TMEM170A: variants seen among roughly 807,000 people sequenced by gnomAD.
The protein encoded by TMEM170A is transmembrane protein 170.
TMEM170A carries 18 observed loss-of-function variants against 12.8 expected under a neutral mutation model. That is an observed-to-expected ratio of 1.41 (90% CI 0.97 to 2.09). The LOEUF (loss-of-function observed/expected upper bound fraction) is 2.09. Ranked by LOEUF, TMEM170A falls within the 30% of genes most tolerant of loss-of-function variation. The pLI, the probability that TMEM170A is intolerant of heterozygous loss-of-function variation, is 0.00. For synonymous variants in TMEM170A, 107 were observed against 76.2 expected (o/e 1.40, Z -2.11); for missense variants, 220 against 179.9 (o/e 1.22, Z -1.28).
chr16:75,463,993 T>G (rs900865939), intron 1 of TMEM170A, among the ~76,000 whole-genome samples: 2 of 152,238 alleles, frequency 1.3e-5, no homozygotes, highest in African/African-American at 4.8e-5. Context: ...AACGAGCGCC[T>G]GCGCGGAGGG....
At chr16:75,449,115 C>T (rs2151627859) in intron 2 of TMEM170A, among the ~76,000 whole-genome samples, 1 of 151,852 alleles carries the variant, frequency 6.6e-6, no homozygotes, top group South Asian at 2.1e-4. Context: ...AGAATAGATC[C>T]AGATTTCCCA....
intron 1 of TMEM170A, 168 bp downstream of exon 1, chr16:75,464,300 G>C (rs2079958372): frequency 6.8e-7 from 1 of 1,479,498 alleles, no homozygotes; most frequent in East Asian, 2.9e-5. Context: ...CGCCGAAGAA[G>C]TGATGGGGAA....
chr16:75,454,986 C>T (rs529210202), intron 1 of TMEM170A, among the ~76,000 whole-genome samples: 8 of 152,328 alleles, frequency 5.3e-5, no homozygotes, highest in African/African-American at 1.9e-4. Flanking sequence ...AACTAGAAGT[C>T]ACCTGCATGG....
At position 75,444,838 on chromosome 16, in the gene TMEM170A, CAA is replaced by C. The variant is rs2079557191; in HGVS notation, c.*2718_*2719del. 6.6e-6 allele frequency: 1 copy of C among 152,074 alleles called. No homozygotes were observed. Among genetic ancestry groups the C allele is most frequent in the African/African-American group, 2.4e-5 (1 of 41,416 alleles). 9.4% of individuals were successfully genotyped at this position (152,074 alleles called of 1,614,324 possible). ...GAGTAGATAACCAAAATATATCAAA[CAA>C]GAAACAGAAACAAATACACCTTTCA... On this transcript the variant is annotated 3_prime_UTR_variant, in exon 3 of 3. Coordinates refer to ENST00000561878, the MANE Select transcript of TMEM170A (RefSeq NM_145254.3).
At chr16:75,464,393 C>G (rs1308702097) in intron 1 of TMEM170A, 75 bp downstream of exon 1, 2 of 1,382,296 alleles carry the variant, frequency 1.4e-6, no homozygotes, top group Non-Finnish European at 1.9e-6. Context: ...GGGACCCCGC[C>G]CAGACTCGGG....
chr16:75,457,750 C>G (rs766332651), intron 1 of TMEM170A, among the ~76,000 whole-genome samples: 1 of 152,118 alleles, frequency 6.6e-6, no homozygotes, highest in Admixed American at 6.6e-5. Context: ...AAACAGCGTC[C>G]GGCATACACA....
At chr16:75,458,063 C>T (rs1834678523) in intron 1 of TMEM170A, among the ~76,000 whole-genome samples, 1 of 152,284 alleles carries the variant, frequency 6.6e-6, no homozygotes, top group Middle Eastern at 3.4e-3. Flanking sequence ...TATTTAATAG[C>T]TATTTATCGA....
intron 2 of TMEM170A, among the ~76,000 whole-genome samples, chr16:75,449,051 A>G (rs1160851101): frequency 1.3e-5 from 2 of 152,032 alleles, no homozygotes; most frequent in Non-Finnish European, 2.9e-5. Flanking sequence ...ACAGAACAAG[A>G]CCCTGTTCTC....
intron 1 of TMEM170A, among the ~76,000 whole-genome samples, chr16:75,453,071 C>G (rs1192462488): frequency 6.6e-6 from 1 of 152,026 alleles, no homozygotes; most frequent in East Asian, 1.9e-4. Flanking sequence ...ACAGAAAAAG[C>G]TGACCAATCT....
intron 1 of TMEM170A, among the ~76,000 whole-genome samples, chr16:75,460,819 T>A (rs976527097): frequency 6.6e-6 from 1 of 152,210 alleles, no homozygotes; most frequent in African/African-American, 2.4e-5. Flanking sequence ...AATAAATGAC[T>A]GGTCCAAGTG....
At position 75,444,743 on chromosome 16, in the gene TMEM170A, C is replaced by T. The variant is rs2079555354; in HGVS notation, c.*2815G>A. Reference sequence around the variant, plus strand: ...ATATAGATTTATTCACTGGAGAATACTTCACCTACTGGGATGGATGAAACA... The same window carrying T: ...ATATAGATTTATTCACTGGAGAATATTTCACCTACTGGGATGGATGAAACA... On this transcript the variant is annotated 3_prime_UTR_variant, in exon 3 of 3. Coordinates refer to ENST00000561878, the MANE Select transcript of TMEM170A (RefSeq NM_145254.3). The T allele has an allele frequency of 6.6e-6, 1 of 152,100 alleles. No homozygotes were observed. Among genetic ancestry groups the T allele is most frequent in the Admixed American group, 6.6e-5 (1 of 15,258 alleles). The allele number at this position is 152,100 out of a possible 1,614,324, so 9.4% of individuals were successfully genotyped here.
intron 2 of TMEM170A, among the ~76,000 whole-genome samples, chr16:75,448,073 A>G (rs1416381744): frequency 1.3e-5 from 2 of 152,216 alleles, no homozygotes; most frequent in East Asian, 1.9e-4. Context: ...GACCTAATAC[A>G]TTTTTGGTAA....
chr16:75,461,733 A>G (rs868306311), intron 1 of TMEM170A, among the ~76,000 whole-genome samples: 10 of 152,374 alleles, frequency 6.6e-5, no homozygotes, highest in Admixed American at 1.3e-4. Flanking sequence ...ATACCTGCTC[A>G]TAACACCAGA....
At chr16:75,458,176 T>C (rs2079833321) in intron 1 of TMEM170A, 1 of 152,246 alleles carries the variant, frequency 6.6e-6, no homozygotes, top group Non-Finnish European at 1.5e-5. Flanking sequence ...GCAAGTATAT[T>C]ACTTCGGCTT....
At chr16:75,448,609 A>G (rs2079628188) in intron 2 of TMEM170A, among the ~76,000 whole-genome samples, 1 of 152,112 alleles carries the variant, frequency 6.6e-6, no homozygotes, top group Admixed American at 6.6e-5. Context: ...CTAAAAATAC[A>G]AAAAATCAGC....
At chr16:75,460,179 A>G (rs2079877470) in intron 1 of TMEM170A, among the ~76,000 whole-genome samples, 1 of 150,918 alleles carries the variant, frequency 6.6e-6, no homozygotes, top group Non-Finnish European at 1.5e-5. Context: ...CCTTCCATCT[A>G]CTCTCCATGC....
intron 2 of TMEM170A, 119 bp downstream of exon 2, chr16:75,451,550 G>C (rs543833987): frequency 9.4e-7 from 1 of 1,062,022 alleles, no homozygotes; most frequent in African/African-American, 1.6e-5. Context: ...ACCCTGTCTG[G>C]ACTTGCAGTT....
rs369347362 is a variant in TMEM170A at position 75,464,609 on chromosome 16, C to G, written c.-9G>C. ...CTCCCCTCGCGCTCCATCCCGTCGCCATTCACCACAGAGAAATGAGGGACG... is the reference window on the plus strand; with the variant it reads ...CTCCCCTCGCGCTCCATCCCGTCGCGATTCACCACAGAGAAATGAGGGACG... On this transcript the variant is annotated 5_prime_UTR_variant, in exon 1 of 3. It removes an upstream start codon present in the reference 5' UTR. Coordinates refer to ENST00000561878, the MANE Select transcript of TMEM170A (RefSeq NM_145254.3). 8.2e-6 allele frequency: 13 copies of G among 1,581,582 alleles called. No individual in the cohort carries two copies. Among genetic ancestry groups the G allele is most frequent in the Admixed American group, 7.2e-5 (4 of 55,596 alleles).
intron 1 of TMEM170A, among the ~76,000 whole-genome samples, chr16:75,457,831 C>A (rs1474114949): frequency 6.6e-6 from 1 of 152,202 alleles, no homozygotes; most frequent in Non-Finnish European, 1.5e-5. Flanking sequence ...CCCTGAGCCA[C>A]ATCCATTAGC....
Sources: gnomAD v4.1 joint callset for allele counts (sites outside exome capture counted in the v4.1 genomes callset) on GRCh38, gnomAD v4.1.1 for gene constraint, MANE v1.5 for transcripts, NCBI Gene and HGNC (gene_info 2026-07-23, HGNC 2026-07-21) for gene names.